SUGCT: variants seen among roughly 807,000 people sequenced by gnomAD.
The protein encoded by SUGCT is succinyl-CoA:glutarate-CoA transferase.
A neutral mutation model predicts 55.0 loss-of-function variants in SUGCT; 41 were observed. That is an observed-to-expected ratio of 0.74 (90% CI 0.58 to 0.97). SUGCT has a LOEUF of 0.97. Ranked by LOEUF, SUGCT falls within the 50% of genes least tolerant of loss-of-function variation. SUGCT has a pLI of 0.00. For missense variants in SUGCT, 568 were observed against 547.8 expected (o/e 1.04, Z -0.37); for synonymous variants, 187 against 200.4 (o/e 0.93, Z 0.56).
intron 13 of SUGCT, among the ~76,000 whole-genome samples, chr7:40,814,181 A>T (rs1421983359): frequency 6.6e-6 from 1 of 151,988 alleles, no homozygotes; most frequent in Non-Finnish European, 1.5e-5. Context: ...TGCCTTGATG[A>T]CAGTCATTTT....
chr7:40,868,014 C>T, the SUGCT span, among the ~76,000 whole-genome samples: 4 of 152,274 alleles, frequency 2.6e-5, no homozygotes, highest in South Asian at 6.2e-4. Flanking sequence ...CACCAGATTA[C>T]AAGTTCTATG....
At chr7:40,931,178 A>G in the SUGCT span, among the ~76,000 whole-genome samples, 9 of 152,330 alleles carry the variant, frequency 5.9e-5, no homozygotes, top group East Asian at 1.7e-3. Context: ...TATTAAGATA[A>G]TCATGTGGTT....
chr7:40,894,036 A>G, the SUGCT span, among the ~76,000 whole-genome samples: 5 of 149,124 alleles, frequency 3.4e-5, no homozygotes, highest in African/African-American at 1.2e-4. Context: ...CCTGGGCAAC[A>G]GAGTGAGACT....
At chr7:40,530,492 G>C (rs1794025955) in intron 12 of SUGCT, among the ~76,000 whole-genome samples, 1 of 152,108 alleles carries the variant, frequency 6.6e-6, no homozygotes. Context: ...TTAGCTTTGT[G>C]GTATATTGGA....
intron 1 of SUGCT, among the ~76,000 whole-genome samples, chr7:40,168,854 G>A (rs1178523649): frequency 6.6e-6 from 1 of 151,738 alleles, no homozygotes; most frequent in Non-Finnish European, 1.5e-5. Context: ...ATACTCTAGG[G>A]GTCCTTCTAT....
At chr7:41,010,750 T>A in the SUGCT span, among the ~76,000 whole-genome samples, 1 of 152,094 alleles carries the variant, frequency 6.6e-6, no homozygotes, top group African/African-American at 2.4e-5. Context: ...TGTGCTGTAA[T>A]CACCCATTTT....
chr7:40,533,619 G>A (rs1203132615), intron 12 of SUGCT, among the ~76,000 whole-genome samples: 1 of 152,032 alleles, frequency 6.6e-6, no homozygotes, highest in Non-Finnish European at 1.5e-5. Flanking sequence ...ACCTATTTAA[G>A]AGAATTCTTA....
At chr7:40,511,727 T>A (rs574129605) in intron 12 of SUGCT, among the ~76,000 whole-genome samples, 2 of 152,328 alleles carry the variant, frequency 1.3e-5, no homozygotes, top group East Asian at 1.9e-4. Context: ...CTTGAATTTT[T>A]AAAAAATGTT....
chr7:40,346,685 A>G (rs1221481047), intron 9 of SUGCT, among the ~76,000 whole-genome samples: 2 of 152,190 alleles, frequency 1.3e-5, no homozygotes, highest in African/African-American at 4.8e-5. Flanking sequence ...AAATTCACAT[A>G]CTGTAGCCTG....
chr7:40,249,312 G>GCTATCTATCTATATATATCTATATATAT (rs1421104147), intron 7 of SUGCT, among the ~76,000 whole-genome samples: 7 of 22,216 alleles, frequency 3.2e-4, no homozygotes, highest in African/African-American at 1.6e-3. Context: ...ACACCAAAAA[G>GCTATCTATCTATATATATCTATATATAT]CTATATATAT....
At chr7:40,551,200 G>A (rs1311646376) in intron 12 of SUGCT, among the ~76,000 whole-genome samples, 1 of 152,150 alleles carries the variant, frequency 6.6e-6, no homozygotes, top group Non-Finnish European at 1.5e-5. Flanking sequence ...TGTTCTCTTA[G>A]TTCCCACTCC....
At chr7:40,992,145 G>C in the SUGCT span, among the ~76,000 whole-genome samples, 1 of 152,132 alleles carries the variant, frequency 6.6e-6, no homozygotes, top group East Asian at 1.9e-4. Flanking sequence ...TGCTAAACAA[G>C]GGATGGCTTA....
the SUGCT span, among the ~76,000 whole-genome samples, chr7:40,960,198 C>A: frequency 1.3e-5 from 2 of 152,168 alleles, no homozygotes; most frequent in Non-Finnish European, 2.9e-5. Flanking sequence ...AGATTTTGGG[C>A]CCTTTGTGAA....
At chr7:41,035,651 AT>A in the SUGCT span, among the ~76,000 whole-genome samples, 1 of 152,224 alleles carries the variant, frequency 6.6e-6, no homozygotes, top group Non-Finnish European at 1.5e-5. Context: ...CAAAACTGCA[AT>A]TTTGTGGATT....
chr7:40,711,383 A>T (rs963817654), intron 12 of SUGCT, among the ~76,000 whole-genome samples: 3 of 152,026 alleles, frequency 2.0e-5, no homozygotes, highest in Non-Finnish European at 4.4e-5. Flanking sequence ...GGTGGCGCAC[A>T]CCTGTAGTCC....
rs989850623 is a variant in SUGCT, at chr7:40,531,015, C to T, written c.1089+34629C>T. ...TGTATAAGTTTATCTTGGAGCCTAG[C>T]GAATGGGCTGATCTTCTCATATGGT... On this transcript the variant is annotated intron_variant, in intron 12 of 13. Transcript: ENST00000335693. Among the ~76,000 whole-genome samples the T allele has an allele frequency of 1.1e-4, 17 of 152,196 alleles. 1 individual carries two copies. In the South Asian group the frequency reaches 3.3e-3, roughly 30 times the overall value.
At chr7:40,968,070 G>T in the SUGCT span, 6 of 152,008 alleles carry the variant, frequency 3.9e-5, no homozygotes, top group Admixed American at 3.3e-4. Flanking sequence ...ATGAACCTAA[G>T]AAATTTTCCA....
chr7:40,303,809 A>T (rs1794682659), intron 8 of SUGCT, among the ~76,000 whole-genome samples: 1 of 152,142 alleles, frequency 6.6e-6, no homozygotes, highest in South Asian at 2.1e-4. Flanking sequence ...AGGGGATAAT[A>T]CATTATTGAA....
chr7:40,552,086 C>T lies in SUGCT; in HGVS notation c.1089+55700C>T, dbSNP rs189815208. ...AGAGTTCATAGGTCACCATTCCCCACGTCACAGCACACTTTCCCTTAACAG... is the reference window on the plus strand; with the variant it reads ...AGAGTTCATAGGTCACCATTCCCCATGTCACAGCACACTTTCCCTTAACAG... On this transcript the variant is annotated intron_variant, in intron 12 of 13. Coordinates refer to ENST00000335693, the MANE Select transcript of SUGCT (RefSeq NM_001193313.2). Among the ~76,000 whole-genome samples, 10 of 152,290 alleles carry T rather than the reference C, an allele frequency of 6.6e-5. No homozygotes were observed. The South Asian group carries it at 8.3e-4, about 13-fold the overall frequency.
Sources: gnomAD v4.1 joint callset for allele counts (sites outside exome capture counted in the v4.1 genomes callset) on GRCh38, gnomAD v4.1.1 for gene constraint, MANE v1.5 for transcripts, NCBI Gene and HGNC (gene_info 2026-07-23, HGNC 2026-07-21) for gene names.